The following PAPPA variants were observed in gnomAD, a reference collection of about 807,000 sequenced individuals.
PAPPA encodes pappalysin 1.
A neutral mutation model predicts 164.0 loss-of-function variants in PAPPA; 60 were observed. The observed-to-expected ratio is 0.37, with a 90% confidence interval of 0.30 to 0.45. The LOEUF (loss-of-function observed/expected upper bound fraction) is 0.45, where lower values mean the gene tolerates loss of function less well. Ranked by LOEUF, PAPPA falls within the 20% of genes least tolerant of loss-of-function variation. PAPPA has a pLI of 1.00. For synonymous variants in PAPPA, 875 were observed against 814.1 expected (o/e 1.07, Z -1.27); for missense variants, 1,782 against 2,087.3 (o/e 0.85, Z 2.85).
chr9:116,273,395 G>C (rs542883831), intron 9 of PAPPA, among the ~76,000 whole-genome samples: 1 of 152,296 alleles, frequency 6.6e-6, no homozygotes, highest in Admixed American at 6.5e-5. Flanking sequence ...GACTGTGGCT[G>C]CTTTCATGCT....
chr9:116,218,973 T>C (rs1844409665), intron 4 of PAPPA, among the ~76,000 whole-genome samples: 1 of 152,162 alleles, frequency 6.6e-6, no homozygotes, highest in African/African-American at 2.4e-5. Context: ...GTGGGAGATG[T>C]TACTACTCAT....
At chr9:116,176,096 C>G (rs185469619) in intron 1 of PAPPA, among the ~76,000 whole-genome samples, 2 of 152,224 alleles carry the variant, frequency 1.3e-5, no homozygotes, top group Non-Finnish European at 2.9e-5. Context: ...TGAAGGTCTA[C>G]TGGAAGAAGT....
chr9:116,185,741 A>T (rs901332767), intron 1 of PAPPA, among the ~76,000 whole-genome samples: 9 of 152,224 alleles, frequency 5.9e-5, no homozygotes, highest in African/African-American at 2.2e-4. Context: ...GTTGGTGAGC[A>T]TAAAGATAAT....
chr9:116,191,232 T>G (rs1564178798), intron 2 of PAPPA, among the ~76,000 whole-genome samples: 1 of 152,266 alleles, frequency 6.6e-6, no homozygotes, highest in East Asian at 1.9e-4. Flanking sequence ...ATAGATGATA[T>G]CATCTCCAGT....
At chr9:116,207,738 T>A in intron 3 of PAPPA, 137 bp downstream of exon 3, 1 of 633,346 alleles carries the variant, frequency 1.6e-6, no homozygotes, top group Non-Finnish European at 2.4e-6. Flanking sequence ...TATCACTTTT[T>A]AATTTACAAA....
At chr9:116,239,979 G>A (rs575036354) in intron 7 of PAPPA, among the ~76,000 whole-genome samples, 2 of 152,206 alleles carry the variant, frequency 1.3e-5, no homozygotes, top group South Asian at 4.2e-4. Flanking sequence ...GAAATAGCAG[G>A]GAAGCATCTT....
intron 9 of PAPPA, among the ~76,000 whole-genome samples, chr9:116,283,862 G>C (rs1404657239): frequency 6.6e-6 from 1 of 151,112 alleles, no homozygotes; most frequent in Non-Finnish European, 1.5e-5. Flanking sequence ...TTTGCCAAGA[G>C]AACTTCTAAA....
At chr9:116,392,635 C>G (rs1433341560) in intron 21 of PAPPA, among the ~76,000 whole-genome samples, 1 of 152,134 alleles carries the variant, frequency 6.6e-6, no homozygotes, top group African/African-American at 2.4e-5. Flanking sequence ...AGCTTTATAT[C>G]TGTGATAAGT....
At chr9:116,317,254 C>T (rs1316723698) in intron 10 of PAPPA, among the ~76,000 whole-genome samples, 7 of 152,176 alleles carry the variant, frequency 4.6e-5, no homozygotes, top group African/African-American at 1.7e-4. Context: ...TGCCATTAAC[C>T]ACTGTTCAAC....
intron 19 of PAPPA, among the ~76,000 whole-genome samples, chr9:116,374,618 A>G (rs1564247009): frequency 6.6e-6 from 1 of 152,258 alleles, no homozygotes; most frequent in East Asian, 1.9e-4. Context: ...GTAAACCTCA[A>G]CTGACAGAAA....
At chr9:116,348,124 C>T (rs767589449) in intron 15 of PAPPA, among the ~76,000 whole-genome samples, 2 of 152,152 alleles carry the variant, frequency 1.3e-5, no homozygotes, top group African/African-American at 2.4e-5. Context: ...ATCATTTTGA[C>T]AGTTGGTGAT....
At chr9:116,349,125 AC>A (rs1282400620) in intron 15 of PAPPA, among the ~76,000 whole-genome samples, 1 of 131,748 alleles carries the variant, frequency 7.6e-6, no homozygotes, top group Non-Finnish European at 1.6e-5. Context: ...TACCAAGTCT[AC>A]CCCCCTGCTC....
intron 13 of PAPPA, among the ~76,000 whole-genome samples, chr9:116,341,260 T>C (rs982450607): frequency 1.3e-5 from 2 of 152,002 alleles, no homozygotes; most frequent in African/African-American, 2.4e-5. Context: ...AGGCTGGTCT[T>C]GAACTCCTGA....
chr9:116,305,744 A>G (rs1043771053), intron 10 of PAPPA, among the ~76,000 whole-genome samples: 8 of 152,188 alleles, frequency 5.3e-5, no homozygotes, highest in Non-Finnish European at 2.9e-5. Flanking sequence ...GATTAGAAGA[A>G]TCTCATGGAA....
intron 17 of PAPPA, 54 bp downstream of exon 17, chr9:116,353,847 C>A: frequency 6.4e-6 from 9 of 1,413,426 alleles, no homozygotes; most frequent in Non-Finnish European, 7.8e-6. Flanking sequence ...TTTCTGCTTA[C>A]CAAAAACTAG....
intron 1 of PAPPA, among the ~76,000 whole-genome samples, chr9:116,173,703 C>G (rs544286366): frequency 6.6e-6 from 1 of 152,298 alleles, no homozygotes; most frequent in South Asian, 2.1e-4. Flanking sequence ...TGATGATTCA[C>G]CTTGTGCTAG....
At chr9:116,382,703 T>C (rs912473689) in intron 21 of PAPPA, among the ~76,000 whole-genome samples, 3 of 152,170 alleles carry the variant, frequency 2.0e-5, no homozygotes, top group African/African-American at 7.2e-5. Context: ...CAGATGTGGT[T>C]CTCAAAGCTT....
chr9:116,249,242 G>A (rs1012534667), intron 7 of PAPPA, among the ~76,000 whole-genome samples: 1 of 152,190 alleles, frequency 6.6e-6, no homozygotes, highest in Non-Finnish European at 1.5e-5. Context: ...TCCTCACTCA[G>A]CTTCACAGGT....
At chr9:116,380,682 A>T (rs993079939) in intron 20 of PAPPA, among the ~76,000 whole-genome samples, 8 of 152,180 alleles carry the variant, frequency 5.3e-5, no homozygotes, top group Admixed American at 3.3e-4. Context: ...TCACACCTGA[A>T]CCCACAGCCA....
Sources: allele counts gnomAD v4.1 joint callset (sites outside exome capture counted in the v4.1 genomes callset), GRCh38; gene constraint gnomAD v4.1.1; transcripts MANE v1.5; gene names NCBI Gene and HGNC (gene_info 2026-07-23, HGNC 2026-07-21).